NAALADL2: variants seen among roughly 807,000 people sequenced by gnomAD.
NAALADL2 encodes N-acetylated alpha-linked acidic dipeptidase like 2.
A neutral mutation model predicts 87.2 loss-of-function variants in NAALADL2; 76 were observed. The ratio of observed to expected loss-of-function variants is 0.87; its 90% CI spans 0.72 to 1.05. NAALADL2 has a LOEUF of 1.05. NAALADL2 is among the 50% of genes least tolerant of loss of function. NAALADL2 has a pLI of 0.00. For missense variants in NAALADL2, 1,089 were observed against 945.8 expected, an observed-to-expected ratio of 1.15 and a Z score of -1.99; for synonymous variants, 354 against 331.0, an observed-to-expected ratio of 1.07 and a Z score of -0.75.
At chr3:174,485,839 G>T (rs999457928) in intron 1 of NAALADL2, among the ~76,000 whole-genome samples, 1 of 151,884 alleles carries the variant, frequency 6.6e-6, no homozygotes, top group Admixed American at 6.6e-5. Context: ...TATTGCCTAG[G>T]TCGTCTTCCA....
At chr3:175,743,912 A>C (rs1330819060) in intron 12 of NAALADL2, among the ~76,000 whole-genome samples, 1 of 152,226 alleles carries the variant, frequency 6.6e-6, no homozygotes, top group Non-Finnish European at 1.5e-5. Flanking sequence ...GACATTGTAA[A>C]GAATTAAGCT....
intron 1 of NAALADL2, among the ~76,000 whole-genome samples, chr3:174,991,082 C>T (rs1746669818): frequency 6.6e-6 from 1 of 151,898 alleles, no homozygotes; most frequent in Non-Finnish European, 1.5e-5. Flanking sequence ...TTAACAGAAA[C>T]TAATTTAAAA....
chr3:175,582,044 C>A (rs1719859464), intron 10 of NAALADL2, among the ~76,000 whole-genome samples: 1 of 152,116 alleles, frequency 6.6e-6, no homozygotes, highest in African/African-American at 2.4e-5. Context: ...AAAGGCATTT[C>A]TTTAGAAGAG....
At chr3:175,262,929 T>G (rs1031273511) in intron 4 of NAALADL2, among the ~76,000 whole-genome samples, 1 of 151,678 alleles carries the variant, frequency 6.6e-6, no homozygotes, top group Non-Finnish European at 1.5e-5. Context: ...ATCTTGGTAC[T>G]TTAAAATAAC....
At chr3:175,131,528 T>G (rs1217290324) in intron 2 of NAALADL2, among the ~76,000 whole-genome samples, 3 of 152,164 alleles carry the variant, frequency 2.0e-5, no homozygotes, top group South Asian at 2.1e-4. Context: ...ATGAAAAGTC[T>G]CCCATGTCTA....
At chr3:174,838,168 G>C (rs1281371816) in intron 3 of NAALADL2, among the ~76,000 whole-genome samples, 1 of 151,982 alleles carries the variant, frequency 6.6e-6, no homozygotes, top group East Asian at 1.9e-4. Flanking sequence ...TTTCATACCA[G>C]GGATGCAGGG....
intron 3 of NAALADL2, among the ~76,000 whole-genome samples, chr3:174,788,962 GA>G (rs1717131997): frequency 6.6e-6 from 1 of 152,202 alleles, no homozygotes; most frequent in Non-Finnish European, 1.5e-5. Context: ...CTTTAGGGAA[GA>G]GTTTGAGAGA....
At chr3:175,471,273 C>A (rs1330628277) in intron 8 of NAALADL2, among the ~76,000 whole-genome samples, 1 of 151,792 alleles carries the variant, frequency 6.6e-6, no homozygotes, top group African/African-American at 2.4e-5. Context: ...GTCACGAGGT[C>A]AGGAGATCAA....
At chr3:175,287,699 G>A (rs1258372465) in intron 4 of NAALADL2, among the ~76,000 whole-genome samples, 1 of 152,150 alleles carries the variant, frequency 6.6e-6, no homozygotes, top group African/African-American at 2.4e-5. Context: ...ATCTGGTATT[G>A]CAAGTCTCCG....
intron 1 of NAALADL2, among the ~76,000 whole-genome samples, chr3:175,046,488 T>A (rs1431940786): frequency 6.6e-6 from 1 of 152,204 alleles, no homozygotes; most frequent in Non-Finnish European, 1.5e-5. Context: ...CTGGTTTATC[T>A]AAGCACAAGT....
At chr3:175,458,465 A>T (rs1288388811) in intron 6 of NAALADL2, among the ~76,000 whole-genome samples, 1 of 123,212 alleles carries the variant, frequency 8.1e-6, no homozygotes, top group East Asian at 2.4e-4. Flanking sequence ...ACATATATAG[A>T]TATGTTCTCA....
In NAALADL2 at chr3:174,688,739, T is replaced by A. The variant is rs1173340934; in HGVS notation, c.-114-48902T>A. On this transcript the variant is annotated intron_variant, in intron 2 of 3. Coordinates refer to the NAALADL2 transcript ENST00000434257. ...TAAATAAAATAGCAATTGTATTGTT[T>A]TAAGGGAGAGACTAGAAGCATAACT... Among the ~76,000 whole-genome samples, 11 of 152,236 alleles carry A rather than the reference T, an allele frequency of 7.2e-5. No individual in the cohort carries two copies. The South Asian group carries it at 8.3e-4, about 11-fold the overall frequency.
chr3:175,757,753 G>C (rs1747460226), intron 13 of NAALADL2, among the ~76,000 whole-genome samples: 1 of 151,966 alleles, frequency 6.6e-6, no homozygotes, highest in African/African-American at 2.4e-5. Context: ...TGGGAATGGG[G>C]AAACAGAATG....
At chr3:174,853,200 C>CAAAA (rs1725457284) in intron 3 of NAALADL2, among the ~76,000 whole-genome samples, 2 of 51,104 alleles carry the variant, frequency 3.9e-5, no homozygotes, top group Non-Finnish European at 7.6e-5. Context: ...CCCGTCTCTA[C>CAAAA]CAAAAAAAAA....
intron 1 of NAALADL2, among the ~76,000 whole-genome samples, chr3:175,067,768 T>A (rs949077627): frequency 1.3e-5 from 2 of 152,078 alleles, no homozygotes; most frequent in African/African-American, 4.8e-5. Flanking sequence ...TAATTTATTA[T>A]ACCAAAAAGA....
intron 11 of NAALADL2, among the ~76,000 whole-genome samples, chr3:175,713,491 TG>T (rs1441358452): frequency 6.6e-6 from 1 of 152,114 alleles, no homozygotes; most frequent in African/African-American, 2.4e-5. Context: ...ATAGTGTGTC[TG>T]GGGAATTGGC....
intron 2 of NAALADL2, among the ~76,000 whole-genome samples, chr3:174,585,161 C>T (rs907924932): frequency 6.6e-6 from 1 of 152,076 alleles, no homozygotes; most frequent in African/African-American, 2.4e-5. Context: ...CAGAGCTGTA[C>T]TGTAATAGAC....
chr3:175,474,791 T>G (rs62285249), intron 9 of NAALADL2, among the ~76,000 whole-genome samples: 12,418 of 152,126 alleles, frequency 0.082, 591 homozygotes, highest in South Asian at 0.12. Context: ...GTACTTTGAG[T>G]GCTCACCTTG....
At chr3:174,873,035 G>A (rs776706124) in intron 1 of NAALADL2, among the ~76,000 whole-genome samples, 4 of 151,950 alleles carry the variant, frequency 2.6e-5, no homozygotes, top group East Asian at 1.9e-4. Context: ...TTCTCCACCC[G>A]TTTCTTCTTA....
Sources: gnomAD v4.1 joint callset for allele counts (sites outside exome capture counted in the v4.1 genomes callset) on GRCh38, gnomAD v4.1.1 for gene constraint, MANE v1.5 for transcripts, NCBI Gene and HGNC (gene_info 2026-07-23, HGNC 2026-07-21) for gene names.